Variants in HSD17B12 observed in about 807,000 individuals in gnomAD.
HSD17B12 encodes the protein very-long-chain 3-oxoacyl-CoA reductase.
In HSD17B12, 32 loss-of-function variants were observed where a neutral mutation model predicts 39.3. The ratio of observed to expected loss-of-function variants is 0.81; its 90% CI spans 0.61 to 1.09. HSD17B12 has a LOEUF of 1.09. Among genes scored for constraint, HSD17B12 ranks in the 50% least tolerant of loss-of-function variants. The pLI is 0.00. For synonymous variants in HSD17B12, 150 were observed against 146.7 expected (o/e 1.02, Z -0.16); for missense variants, 342 against 382.9 (o/e 0.89, Z 0.89).
chr11:43,776,765 C>A (rs1365334719), intron 3 of HSD17B12, among the ~76,000 whole-genome samples: 1 of 152,078 alleles, frequency 6.6e-6, no homozygotes, highest in Admixed American at 6.5e-5. Flanking sequence ...TTTAATCCAT[C>A]TTGAATTGAT....
chr11:43,582,484 C>T, the HSD17B12 span, among the ~76,000 whole-genome samples: 3 of 152,240 alleles, frequency 2.0e-5, no homozygotes, highest in African/African-American at 2.4e-5. Context: ...GCTAGACGCC[C>T]TTGCCCTTAG....
chr11:43,775,469 C>T (rs1950691270), intron 3 of HSD17B12, among the ~76,000 whole-genome samples: 1 of 147,816 alleles, frequency 6.8e-6, no homozygotes, highest in African/African-American at 2.5e-5. Context: ...ACTCTTTGAA[C>T]AAATAATTTT....
intron 1 of HSD17B12, among the ~76,000 whole-genome samples, chr11:43,747,146 G>A (rs1054541894): frequency 6.6e-6 from 1 of 152,130 alleles, no homozygotes. Context: ...ACTAAATGCC[G>A]ATCATCATTT....
At chr11:43,636,901 A>G in the HSD17B12 span, among the ~76,000 whole-genome samples, 273 of 152,322 alleles carry the variant, frequency 1.8e-3, 2 homozygotes, top group African/African-American at 6.1e-3. Context: ...GGAGGGGCAC[A>G]TGGAAATCAC....
At chr11:43,830,955 G>A (rs202172385) in intron 6 of HSD17B12, 21 bp from the exon 7 acceptor site, 15 of 1,605,188 alleles carry the variant, frequency 9.3e-6, no homozygotes, top group Non-Finnish European at 1.2e-5. Context: ...CATCATGAAT[G>A]TTTTGCTTTC....
the HSD17B12 span, among the ~76,000 whole-genome samples, chr11:43,622,515 A>T: frequency 2.6e-5 from 4 of 152,230 alleles, no homozygotes; most frequent in Non-Finnish European, 5.9e-5. Context: ...TCATTTTATC[A>T]GTCAGAGTAT....
At chr11:43,742,141 T>TATA (rs1355652690) in intron 1 of HSD17B12, among the ~76,000 whole-genome samples, 11 of 124,294 alleles carry the variant, frequency 8.8e-5, no homozygotes, top group Non-Finnish European at 1.4e-4. Flanking sequence ...ATATATATAT[T>TATA]TTTTTTTTTA....
At chr11:43,677,986 TA>T (rs1241108960), upstream of HSD17B12, among the ~76,000 whole-genome samples, 1 of 152,252 alleles carries the variant, frequency 6.6e-6, no homozygotes, top group Non-Finnish European at 1.5e-5. Context: ...TTTCTGGTTC[TA>T]GATCCTTGAG....
chr11:43,596,099 C>T, the HSD17B12 span, among the ~76,000 whole-genome samples: 1 of 152,152 alleles, frequency 6.6e-6, no homozygotes, highest in East Asian at 1.9e-4. Flanking sequence ...CTATGCTGGC[C>T]AGGCTGGTCT....
At chr11:43,649,468 AAG>A in the HSD17B12 span, among the ~76,000 whole-genome samples, 7 of 152,194 alleles carry the variant, frequency 4.6e-5, no homozygotes, top group Admixed American at 2.0e-4. Flanking sequence ...ACTTGGAAAA[AAG>A]AATTTTTATC....
chr11:43,691,634 T>G (rs1353128472), intron 1 of HSD17B12, among the ~76,000 whole-genome samples: 1 of 152,218 alleles, frequency 6.6e-6, no homozygotes, highest in Non-Finnish European at 1.5e-5. Context: ...TCCAATCAAG[T>G]TACCCCTTCC....
At chr11:43,588,552 A>G in the HSD17B12 span, among the ~76,000 whole-genome samples, 1 of 151,924 alleles carries the variant, frequency 6.6e-6, no homozygotes, top group African/African-American at 2.4e-5. Flanking sequence ...AAATGAGATT[A>G]TGCATGTGTA....
At chr11:43,720,962 C>G (rs1175398537) in intron 1 of HSD17B12, among the ~76,000 whole-genome samples, 2 of 151,972 alleles carry the variant, frequency 1.3e-5, no homozygotes, top group African/African-American at 4.8e-5. Context: ...CCTTCATTTC[C>G]ATATTAGCTG....
chr11:43,571,319 C>T, the HSD17B12 span, among the ~76,000 whole-genome samples: 1 of 152,330 alleles, frequency 6.6e-6, no homozygotes, highest in Admixed American at 6.5e-5. Context: ...TTCCCAACCC[C>T]TGACACCTTT....
chr11:43,676,458 G>A (rs544196287), upstream of HSD17B12, among the ~76,000 whole-genome samples: 77 of 152,234 alleles, frequency 5.1e-4, no homozygotes, highest in African/African-American at 1.8e-3. Flanking sequence ...GACGTAAAGA[G>A]AGCTGGGGTC....
Position 43,780,043 on chromosome 11 carries a change from T to G in HSD17B12, c.284-18277T>G, listed in dbSNP as rs186834651. 1.9e-3 allele frequency among the ~76,000 whole-genome samples: 295 copies of G among 152,362 alleles called. 1 individual carries two copies. Among genetic ancestry groups the G allele is most frequent in the Non-Finnish European group, 3.0e-3 (207 of 68,028 alleles). On this transcript the variant is annotated intron_variant, in intron 3 of 10. Transcript: ENST00000278353. ...AGTCTCTGAGATTTCATGGGAAGTA[T>G]TGGTAGCAGGATGCAGATGATCTGC...
At chr11:43,601,747 C>T in the HSD17B12 span, among the ~76,000 whole-genome samples, 1 of 152,170 alleles carries the variant, frequency 6.6e-6, no homozygotes, top group African/African-American at 2.4e-5. Flanking sequence ...TTGAATACTT[C>T]CTCTGTTTCT....
the HSD17B12 span, among the ~76,000 whole-genome samples, chr11:43,623,821 C>T: frequency 1.3e-5 from 2 of 151,970 alleles, no homozygotes; most frequent in Non-Finnish European, 2.9e-5. Context: ...TTCCGGATCA[C>T]CACTGCATAA....
At chr11:43,721,783 TA>T (rs1423350491) in intron 1 of HSD17B12, among the ~76,000 whole-genome samples, 1 of 152,032 alleles carries the variant, frequency 6.6e-6, no homozygotes, top group African/African-American at 2.4e-5. Context: ...CTGTAGGACA[TA>T]AAAAAACTTG....
Sources: gnomAD v4.1 joint callset for allele counts (sites outside exome capture counted in the v4.1 genomes callset) on GRCh38, gnomAD v4.1.1 for gene constraint, MANE v1.5 for transcripts, NCBI Gene and HGNC (gene_info 2026-07-23, HGNC 2026-07-21) for gene names.